The following PDIA4 variants were observed in gnomAD, a reference collection of about 807,000 sequenced individuals.
The protein encoded by PDIA4 is protein disulfide isomerase family A member 4.
PDIA4 carries 33 observed loss-of-function variants against 62.1 expected under a neutral mutation model. That is an observed-to-expected ratio of 0.53 (90% CI 0.40 to 0.71). PDIA4 has a LOEUF of 0.71. Among genes scored for constraint, PDIA4 ranks in the 30% least tolerant of loss-of-function variants. The pLI is 0.00. For synonymous variants in PDIA4, 341 were observed against 324.1 expected, an observed-to-expected ratio of 1.05 and a Z score of -0.56; for missense variants, 804 against 813.6, an observed-to-expected ratio of 0.99 and a Z score of 0.14.
chr7:149,008,262 T>C lies in PDIA4; in HGVS notation c.1028A>G (p.Glu343Gly), dbSNP rs776687717. 1.2e-6 allele frequency: 2 copies of C among 1,614,042 alleles called. No individual in the cohort carries two copies. Among genetic ancestry groups the C allele is most frequent in the Non-Finnish European group, 1.7e-6 (2 of 1,179,918 alleles). The change falls in exon 7 of 10, where the codon GAA becomes GGA. Residue 343 changes from glutamate to glycine, a missense_variant. Coordinates refer to ENST00000652332, the MANE Select transcript of PDIA4 (RefSeq NM_004911.5). Reference protein sequence around the residue: ...DYKFHHTFSTEIAKFLKVSQG... With the variant: ...DYKFHHTFSTGIAKFLKVSQG... ...GGAGACTTTCAAGAACTTTGCTATT[T>C]CTGTGCTGAAAGTGTGGTGAAATTT...
At chr7:149,027,728 G>A in intron 1 of PDIA4, 1 of 395,000 alleles carries the variant, frequency 2.5e-6, no homozygotes, top group South Asian at 1.9e-5. Context: ...ACCCAGTACA[G>A]GGACTGGCAC....
intron 3 of PDIA4, among the ~76,000 whole-genome samples, 192 bp from the exon 4 acceptor site, chr7:149,015,234 A>G (rs1824088600): frequency 6.6e-6 from 1 of 152,056 alleles, no homozygotes; most frequent in Non-Finnish European, 1.5e-5. Context: ...AAGGTTCGCT[A>G]TTTCCCAACA....
In PDIA4 at chr7:149,012,418, C is replaced by G. The variant is rs148042089; in HGVS notation, c.615-58G>C. 25 of 1,447,220 alleles carry G rather than the reference C, an allele frequency of 1.7e-5. No individual in the cohort carries two copies. The East Asian group carries it at 5.7e-4, about 33-fold the overall frequency. 89.6% of individuals were successfully genotyped at this position (1,447,220 alleles called of 1,614,324 possible). The stretch of plus-strand genomic sequence containing the variant: ...ATTCTAGTGTGGACTCACTTTCTAG[C>G]TAAATGAGCTGCAGAAACCCATCCT... On this transcript the variant is annotated intron_variant, in intron 4 of 9. Transcript: ENST00000652332.
Position 149,028,468 on chromosome 7 carries a change from C to T in PDIA4, c.-60G>A. On this transcript the variant is annotated 5_prime_UTR_variant, in exon 1 of 10. Coordinates refer to ENST00000652332, the MANE Select transcript of PDIA4 (RefSeq NM_004911.5). ...GCGGCCGCTGAGCGCACCGAGAACT[C>T]GGGGTCTGGCCGACAGCCCGTCGCT... is the stretch of plus-strand genomic sequence containing the variant. The T allele has an allele frequency of 8.3e-7, 1 of 1,206,428 alleles. No individual in the cohort carries two copies. Among genetic ancestry groups the T allele is most frequent in the East Asian group, 3.1e-5 (1 of 32,324 alleles). 74.7% of individuals were successfully genotyped at this position (1,206,428 alleles called of 1,614,324 possible). A position where few individuals can be genotyped will look rare whatever the true frequency, so the allele number is the denominator to read the frequency against.
At position 149,023,664 on chromosome 7, in the gene PDIA4, C is replaced by A. The variant is rs116411642; in HGVS notation, c.89-2517G>T. On this transcript the variant is annotated intron_variant, in intron 1 of 9. Transcript: ENST00000652332. The stretch of plus-strand genomic sequence containing the variant: ...GAAATAATGCACTGGGGAACTTAAT[C>A]AACTCTTCCAGGTAGGAATCACAGC... 5.5e-3 allele frequency among the ~76,000 whole-genome samples: 830 copies of A among 152,144 alleles called. 6 individuals are homozygous for A. Among genetic ancestry groups the A allele is most frequent in the African/African-American group, 0.018 (764 of 41,470 alleles).
In PDIA4 at chr7:149,003,525, G is replaced by T. The variant is rs1823615203; in HGVS notation, c.*269C>A. 2 of 333,816 alleles carry T rather than the reference G, an allele frequency of 6.0e-6. No individual in the cohort carries two copies. Among genetic ancestry groups the T allele is most frequent in the Non-Finnish European group, 1.1e-5 (2 of 186,488 alleles). The allele number at this position is 333,816 out of a possible 1,614,324, so 20.7% of individuals were successfully genotyped here. On this transcript the variant is annotated 3_prime_UTR_variant, in exon 10 of 10. Coordinates refer to ENST00000652332, the MANE Select transcript of PDIA4 (RefSeq NM_004911.5). ...AGAATTATCTGCTTTGAGAAATAAA[G>T]AAATTAGAAGGTGTAAAAAAAAATT...
intron 6 of PDIA4, among the ~76,000 whole-genome samples, chr7:149,010,765 A>G (rs1236197921): frequency 6.6e-6 from 1 of 152,124 alleles, no homozygotes; most frequent in Non-Finnish European, 1.5e-5. Context: ...CTGCAGCCCT[A>G]ACCCTGCCCA....
rs370731622 is a variant in PDIA4 at position 149,003,965 on chromosome 7, G to C, written c.1767C>G (p.Asp589Glu). Residue 589 changes from aspartate to glutamate, a missense_variant, in exon 10 of 10, where the codon GAC becomes GAG. Asp to Glu is a conservative substitution (Grantham distance 45, BLOSUM62 2). Transcript: ENST00000652332. ...CCACCTTATAGCGGTCGCTGGGGAC[G>C]TCGTTGGCAGTGGCGTCCATCTTGG... Reference protein sequence around the residue: ...VIAKMDATANDVPSDRYKVEG... With the variant: ...VIAKMDATANEVPSDRYKVEG... 1.2e-6 allele frequency: 2 copies of C among 1,613,144 alleles called. No homozygotes were observed. Among genetic ancestry groups the C allele is most frequent in the African/African-American group, 2.7e-5 (2 of 74,922 alleles).
At chr7:149,011,690 A>G (rs1823949726) in intron 6 of PDIA4, among the ~76,000 whole-genome samples, 156 bp downstream of exon 6, 1 of 152,160 alleles carries the variant, frequency 6.6e-6, no homozygotes, top group Non-Finnish European at 1.5e-5. Context: ...CTCCAGCCCC[A>G]GCCCCAACTC....
At chr7:149,019,301 CAAAATGTTGA>C in intron 2 of PDIA4, 104 bp from the exon 3 acceptor site, 3 of 809,036 alleles carry the variant, frequency 3.7e-6, no homozygotes, top group Non-Finnish European at 6.3e-6. Context: ...TTGTCCACAC[CAAAATGTTGA>C]AATCTGATCC....
At chr7:149,024,653 A>G (rs367900193) in intron 1 of PDIA4, among the ~76,000 whole-genome samples, 1 of 151,666 alleles carries the variant, frequency 6.6e-6, no homozygotes, top group East Asian at 1.9e-4. Context: ...TCTCTACTAA[A>G]ATACAGAAAA....
At chr7:149,007,529 G>C (rs1823804262) in intron 7 of PDIA4, among the ~76,000 whole-genome samples, 6 of 152,206 alleles carry the variant, frequency 3.9e-5, no homozygotes, top group Admixed American at 3.9e-4. Flanking sequence ...TTCCAAATCT[G>C]AGATCTACTC....
In PDIA4 at chr7:149,021,048, C is replaced by A; in HGVS notation, c.188G>T (p.Gly63Val). The A allele has an allele frequency of 6.2e-7, 1 of 1,614,170 alleles. No homozygotes were observed. Among genetic ancestry groups the A allele is most frequent in the Non-Finnish European group, 8.5e-7 (1 of 1,180,018 alleles). ...GTTTGCATCATTTAGGACCAAGACTCCATTTTCTTCCTTAACTTCCAAGTC... is the reference window on the plus strand; with the variant it reads ...GTTTGCATCATTTAGGACCAAGACTACATTTTCTTCCTTAACTTCCAAGTC... The part of the protein sequence containing the change: ...EDDLEVKEEN[G>V]VLVLNDANFD... Residue 63 changes from glycine to valine, a missense_variant, in exon 2 of 10, where the codon GGA becomes GTA. Gly to Val is a moderately radical substitution (Grantham distance 109, BLOSUM62 -3). Coordinates refer to ENST00000652332, the MANE Select transcript of PDIA4 (RefSeq NM_004911.5).
chr7:149,017,633 TAAAATTAAATACATTTTATC>T (rs1465307439), intron 3 of PDIA4, among the ~76,000 whole-genome samples: 11 of 151,230 alleles, frequency 7.3e-5, no homozygotes, highest in Admixed American at 5.9e-4. Context: ...TTTATCAAAA[TAAAATTAAATACATTTTATC>T]AAAATAAAAT....
At chr7:149,024,747 T>C (rs1824481113) in intron 1 of PDIA4, among the ~76,000 whole-genome samples, 1 of 132,620 alleles carries the variant, frequency 7.5e-6, no homozygotes, top group African/African-American at 3.0e-5. Context: ...ACCCAGGAGG[T>C]GGAGGTTGCA....
At chr7:149,026,366 C>G (rs1000599983) in intron 1 of PDIA4, among the ~76,000 whole-genome samples, 1 of 151,996 alleles carries the variant, frequency 6.6e-6, no homozygotes, top group African/African-American at 2.4e-5. Context: ...AAAAAAATAG[C>G]CAGGCTGGGC....
rs746286992 is a variant in PDIA4 at position 149,005,963 on chromosome 7, G to A, written c.1222C>T (p.Arg408Cys). ...GHRKVSNDAK[R>C]YTRRPLVVVY... The stretch of plus-strand genomic sequence containing the variant: ...ACCACCAGGGGGCGCCTGGTGTAGC[G>A]CTTAGCATCGTTTGACACCTTGCGG... The change falls in exon 8 of 10, where the codon CGC becomes TGC. Residue 408 changes from arginine to cysteine, a missense_variant. Arg to Cys is a radical substitution (Grantham distance 180, BLOSUM62 -3). Coordinates refer to ENST00000652332, the MANE Select transcript of PDIA4 (RefSeq NM_004911.5). 7.2e-6 allele frequency: 11 copies of A among 1,538,418 alleles called. No homozygotes were observed. The highest frequency in any genetic ancestry group is 2.5e-5 in the East Asian group (1 of 39,324).
At chr7:149,005,462 T>A in intron 8 of PDIA4, 88 bp from the exon 9 acceptor site, 1 of 816,020 alleles carries the variant, frequency 1.2e-6, no homozygotes, top group Non-Finnish European at 2.1e-6. Context: ...GTCCTGTCGC[T>A]AATATTCTGA....
At chr7:149,022,831 C>T (rs986311818) in intron 1 of PDIA4, among the ~76,000 whole-genome samples, 1 of 152,162 alleles carries the variant, frequency 6.6e-6, no homozygotes, top group Non-Finnish European at 1.5e-5. Flanking sequence ...CTTTGTTCAT[C>T]ACTGTCAACA....
Sources: allele counts gnomAD v4.1 joint callset (sites outside exome capture counted in the v4.1 genomes callset), GRCh38; gene constraint gnomAD v4.1.1; transcripts MANE v1.5; gene names NCBI Gene and HGNC (gene_info 2026-07-23, HGNC 2026-07-21).